The following DHRSX variants were observed in gnomAD, a reference collection of about 807,000 sequenced individuals.
The protein encoded by DHRSX is dehydrogenase/reductase X-linked.
Under a neutral mutation model 34.0 loss-of-function variants are expected in DHRSX, and 31 were observed. That is an observed-to-expected ratio of 0.91 (90% confidence interval 0.69 to 1.23). The LOEUF (loss-of-function observed/expected upper bound fraction) is 1.23. Ranked by LOEUF, DHRSX falls within the 50% of genes most tolerant of loss-of-function variation. The pLI is 0.00. For missense variants in DHRSX, 414 were observed against 428.1 expected (o/e 0.97, Z 0.29); for synonymous variants, 201 against 183.8 (o/e 1.09, Z -0.76).
intron 1 of DHRSX, among the ~76,000 whole-genome samples, chrX:2,452,821 C>T (rs776648273): frequency 7.2e-5 from 11 of 152,320 alleles, no homozygotes; most frequent in African/African-American, 2.6e-4. Context: ...GAAGACGTTC[C>T]AAAGGTCCAG....
intron 3 of DHRSX, among the ~76,000 whole-genome samples, chrX:2,325,436 G>A (rs2042372693): frequency 6.6e-6 from 1 of 152,100 alleles, no homozygotes. Flanking sequence ...TTCCCAGCAG[G>A]AACTAGAGAC....
chrX:2,353,435 T>C (rs1488429945), intron 3 of DHRSX, among the ~76,000 whole-genome samples: 1 of 152,048 alleles, frequency 6.6e-6, no homozygotes, highest in African/African-American at 2.4e-5. Context: ...ATTATCCTAG[T>C]GAGACCCAAG....
chrX:2,384,690 G>T (rs1406818689), intron 3 of DHRSX, among the ~76,000 whole-genome samples: 1 of 149,004 alleles, frequency 6.7e-6, no homozygotes, highest in African/African-American at 2.5e-5. Context: ...AAGCTTATTT[G>T]GTTGTATTTA....
At chrX:2,395,323 C>T (rs953741326) in intron 3 of DHRSX, among the ~76,000 whole-genome samples, 1 of 152,164 alleles carries the variant, frequency 6.6e-6, no homozygotes, top group Admixed American at 6.5e-5. Context: ...CAACACACCT[C>T]GGCCACTGGG....
intron 6 of DHRSX, among the ~76,000 whole-genome samples, chrX:2,241,707 G>A (rs2016144837): frequency 2.0e-5 from 3 of 152,038 alleles, no homozygotes; most frequent in African/African-American, 7.2e-5. Context: ...TCCAGAGTTC[G>A]TGACCAGCCT....
chrX:2,464,159 CA>C (rs2044445528), intron 1 of DHRSX, among the ~76,000 whole-genome samples: 1 of 150,388 alleles, frequency 6.6e-6, no homozygotes. Flanking sequence ...CCTAAGAATG[CA>C]GCGAAGAGAT....
chrX:2,384,065 T>C (rs868067049), intron 3 of DHRSX, among the ~76,000 whole-genome samples: 1 of 152,166 alleles, frequency 6.6e-6, no homozygotes, highest in African/African-American at 2.4e-5. Flanking sequence ...AGCAGAGTTA[T>C]GAAGCAGGTA....
chrX:2,316,235 T>C (rs1364284924), intron 3 of DHRSX, among the ~76,000 whole-genome samples: 1 of 150,960 alleles, frequency 6.6e-6, no homozygotes, highest in African/African-American at 2.4e-5. Flanking sequence ...CAACTTGTCA[T>C]ATGGGAGTCT....
intron 5 of DHRSX, among the ~76,000 whole-genome samples, chrX:2,247,703 T>A (rs2016332165): frequency 2.0e-5 from 3 of 151,426 alleles, no homozygotes; most frequent in African/African-American, 7.3e-5. Context: ...ATTCATGTAT[T>A]CATTTTTTCA....
intron 4 of DHRSX, among the ~76,000 whole-genome samples, chrX:2,267,203 CG>C (rs1569481973): frequency 6.6e-6 from 1 of 152,156 alleles, no homozygotes; most frequent in African/African-American, 2.4e-5. Flanking sequence ...AACCACAGGC[CG>C]GGCGCGGTGG....
intron 2 of DHRSX, among the ~76,000 whole-genome samples, chrX:2,410,662 C>G: frequency 6.6e-6 from 1 of 152,232 alleles, no homozygotes; most frequent in Non-Finnish European, 1.5e-5. Flanking sequence ...CATGGGCTCC[C>G]AAATTAACTA....
intron 3 of DHRSX, among the ~76,000 whole-genome samples, chrX:2,298,810 AC>A (rs1194585940): frequency 6.6e-6 from 1 of 151,706 alleles, no homozygotes; most frequent in African/African-American, 2.4e-5. Context: ...ACATGGAGAA[AC>A]CCCGTCTCTA....
chrX:2,436,777 G>A (rs2043997150), intron 1 of DHRSX, among the ~76,000 whole-genome samples: 1 of 151,878 alleles, frequency 6.6e-6, no homozygotes, highest in Non-Finnish European at 1.5e-5. Flanking sequence ...AACTACAGGT[G>A]TGTGCCACCA....
At chrX:2,370,590 G>GAAAAAAAAAAAAAAAAAAAA (rs59435030) in intron 3 of DHRSX, among the ~76,000 whole-genome samples, 39 of 132,676 alleles carry the variant, frequency 2.9e-4, no homozygotes, top group African/African-American at 1.0e-3. Context: ...TGGTTTTACT[G>GAAAAAAAAAAAAAAAAAAAA]AAAAAAAAAA....
chrX:2,378,316 G>T (rs1448111401), intron 3 of DHRSX, among the ~76,000 whole-genome samples: 2 of 152,166 alleles, frequency 1.3e-5, no homozygotes, highest in Admixed American at 6.5e-5. Context: ...TGTCGCAGCA[G>T]CTCCAGGAAA....
At chrX:2,259,033 G>A (rs1246067330) in intron 5 of DHRSX, among the ~76,000 whole-genome samples, 1 of 152,154 alleles carries the variant, frequency 6.6e-6, no homozygotes, top group African/African-American at 2.4e-5. Context: ...CCAGCACTTT[G>A]GGAGGCCGAG....
chrX:2,244,129 CA>C (rs1473146706), intron 5 of DHRSX, among the ~76,000 whole-genome samples: 14 of 152,068 alleles, frequency 9.2e-5, no homozygotes, highest in Non-Finnish European at 2.9e-5. Context: ...AGCAATTTGG[CA>C]AACTTCCCAA....
rs938275834 is a variant in DHRSX, at chrX:2,471,786, C to T, written c.109+29031G>A. ...TCGCTTCATCCATTTCTCAAAACAA[C>T]GCCATGTAAACTGGATAAACAAAGG... On this transcript the variant is annotated intron_variant, in intron 1 of 6. Coordinates refer to ENST00000334651, the MANE Select transcript of DHRSX (RefSeq NM_145177.3). Among the ~76,000 whole-genome samples, 11 of 152,040 alleles carry T rather than the reference C, an allele frequency of 7.2e-5. 1 individual carries two copies. Among genetic ancestry groups the T allele is most frequent in the African/African-American group, 1.9e-4 (8 of 41,372 alleles).
chrX:2,405,964 T>C (rs1353249768), intron 3 of DHRSX, among the ~76,000 whole-genome samples: 2 of 150,508 alleles, frequency 1.3e-5, no homozygotes, highest in African/African-American at 4.9e-5. Flanking sequence ...ACTTAGCATT[T>C]GGATGGCCAA....
Sources: allele counts gnomAD v4.1 joint callset (sites outside exome capture counted in the v4.1 genomes callset), GRCh38; gene constraint gnomAD v4.1.1; transcripts MANE v1.5; gene names NCBI Gene and HGNC (gene_info 2026-07-23, HGNC 2026-07-21).